The following GALNT18 variants were observed in gnomAD, a reference collection of about 807,000 sequenced individuals.
GALNT18 encodes GalNAc-transferase 18.
In GALNT18, 44 loss-of-function variants were observed where a neutral mutation model predicts 69.5. That is an observed-to-expected ratio of 0.63 (90% CI 0.50 to 0.81). The LOEUF is 0.81. Ranked by LOEUF, GALNT18 falls within the 40% of genes least tolerant of loss-of-function variation. The pLI is 0.00. For synonymous variants in GALNT18, 364 were observed against 318.2 expected, an observed-to-expected ratio of 1.14 and a Z score of -1.53; for missense variants, 715 against 810.0, an observed-to-expected ratio of 0.88 and a Z score of 1.42.
At position 11,616,264 on chromosome 11, in the gene GALNT18, G is replaced by A. The variant is rs984959562; in HGVS notation, c.235+5095C>T. 7.9e-5 allele frequency among the ~76,000 whole-genome samples: 12 copies of A among 152,196 alleles called. No homozygotes were observed. Among genetic ancestry groups the A allele is most frequent in the African/African-American group, 2.9e-4 (12 of 41,444 alleles). ...AAGGAGTACAAATCAAAAGAATAGAGCATTTGACAGGGATTACATTTACTC... is the reference window on the plus strand; with the variant it reads ...AAGGAGTACAAATCAAAAGAATAGAACATTTGACAGGGATTACATTTACTC... On this transcript the variant is annotated intron_variant, in intron 1 of 10. Transcript: ENST00000227756. The surrounding 1 kb of genome is among the most constrained non-coding windows in gnomAD (Gnocchi z 4.4).
intron 1 of GALNT18, among the ~76,000 whole-genome samples, chr11:11,495,152 T>C (rs1309077853): frequency 1.3e-5 from 2 of 152,248 alleles, no homozygotes; most frequent in Admixed American, 6.5e-5. Flanking sequence ...TTTGAAGTTC[T>C]GAGCTCAGGG....
chr11:11,363,549 G>A (rs912783382), intron 6 of GALNT18, among the ~76,000 whole-genome samples: 6 of 152,142 alleles, frequency 3.9e-5, no homozygotes, highest in African/African-American at 1.4e-4. Flanking sequence ...TTGTCATTAA[G>A]AACCAGAAAT....
intron 10 of GALNT18, among the ~76,000 whole-genome samples, chr11:11,273,548 G>A (rs1045716064): frequency 6.6e-6 from 1 of 152,162 alleles, no homozygotes; most frequent in Admixed American, 6.5e-5. Context: ...AATAATAAAT[G>A]CTGGTGAGGA....
rs1252644929 is a variant in GALNT18, at chr11:11,404,098, C to T, written c.596-24834G>A. ...TGATGAGCGAATGCCCCGCCACTTG[C>T]TGGCAGCAGGAGGAGAGCATTCCCA... On this transcript the variant is annotated intron_variant, in intron 3 of 10. Coordinates refer to ENST00000227756, the MANE Select transcript of GALNT18 (RefSeq NM_198516.3). The surrounding 1 kb of genome is among the most constrained non-coding windows in gnomAD (Gnocchi z 4.5). 6.6e-6 allele frequency among the ~76,000 whole-genome samples: 1 copy of T among 152,218 alleles called. No individual in the cohort carries two copies. The highest frequency in any genetic ancestry group is 1.5e-5 in the Non-Finnish European group (1 of 68,038).
intron 9 of GALNT18, among the ~76,000 whole-genome samples, chr11:11,317,737 T>A (rs1414238665): frequency 6.6e-6 from 1 of 152,238 alleles, no homozygotes; most frequent in East Asian, 1.9e-4. Context: ...CTCTTTAGGT[T>A]CCACTTGTCA....
intron 5 of GALNT18, among the ~76,000 whole-genome samples, chr11:11,375,247 G>A (rs1321361396): frequency 1.3e-5 from 2 of 152,174 alleles, no homozygotes; most frequent in African/African-American, 4.8e-5. Flanking sequence ...CTTCATCTGG[G>A]AATAAAACCA....
At chr11:11,481,161 G>C in intron 1 of GALNT18, among the ~76,000 whole-genome samples, 1 of 152,174 alleles carries the variant, frequency 6.6e-6, no homozygotes, top group South Asian at 2.1e-4. Flanking sequence ...TCAGGACTGA[G>C]AGAGCAGCTG....
intron 1 of GALNT18, among the ~76,000 whole-genome samples, chr11:11,483,973 C>T (rs1189837964): frequency 1.3e-5 from 2 of 152,070 alleles, no homozygotes; most frequent in Admixed American, 6.5e-5. Flanking sequence ...AAAGTTCCAT[C>T]GTGGGACATG....
At chr11:11,491,084 C>G (rs1416065485) in intron 1 of GALNT18, among the ~76,000 whole-genome samples, 3 of 152,112 alleles carry the variant, frequency 2.0e-5, no homozygotes, top group Non-Finnish European at 4.4e-5. Flanking sequence ...GTGGTCATCT[C>G]TAGTCCAAAT....
At chr11:11,525,699 A>G (rs1037395010) in intron 1 of GALNT18, among the ~76,000 whole-genome samples, 9 of 139,354 alleles carry the variant, frequency 6.5e-5, no homozygotes, top group African/African-American at 2.2e-4. Flanking sequence ...CAATGACACT[A>G]TCTCAGCTCA....
chr11:11,407,996 C>T (rs951409672), intron 3 of GALNT18, among the ~76,000 whole-genome samples: 4 of 152,164 alleles, frequency 2.6e-5, no homozygotes, highest in African/African-American at 7.2e-5. Flanking sequence ...TAGCCCTCTC[C>T]CTGAGGAGTT....
At chr11:11,525,903 G>T (rs1426373243) in intron 1 of GALNT18, among the ~76,000 whole-genome samples, 1 of 152,024 alleles carries the variant, frequency 6.6e-6, no homozygotes, top group Non-Finnish European at 1.5e-5. Flanking sequence ...TAAAGTGCTG[G>T]GATTACACTC....
chr11:11,297,479 T>C (rs1247649742), intron 9 of GALNT18, among the ~76,000 whole-genome samples: 1 of 152,180 alleles, frequency 6.6e-6, no homozygotes, highest in African/African-American at 2.4e-5. Context: ...CAGAGCCATA[T>C]GTGCGACCAC....
intron 3 of GALNT18, among the ~76,000 whole-genome samples, chr11:11,426,759 ACTGACCTCC>A (rs1855142591): frequency 6.6e-6 from 1 of 152,060 alleles, no homozygotes; most frequent in African/African-American, 2.4e-5. Flanking sequence ...GGAGTGATTC[ACTGACCTCC>A]CTAGTGGGAA....
chr11:11,576,939 G>C (rs1165251898), intron 1 of GALNT18, among the ~76,000 whole-genome samples: 1 of 152,148 alleles, frequency 6.6e-6, no homozygotes, highest in African/African-American at 2.4e-5. Flanking sequence ...CTGAAGGCAG[G>C]CCTTCACGAC....
intron 10 of GALNT18, among the ~76,000 whole-genome samples, chr11:11,291,659 C>T (rs1461241841): frequency 1.3e-5 from 2 of 152,058 alleles, no homozygotes; most frequent in East Asian, 1.9e-4. Context: ...CTGCCACCTG[C>T]ATCCTCCACC....
intron 3 of GALNT18, among the ~76,000 whole-genome samples, chr11:11,394,599 G>A (rs1854278932): frequency 2.0e-5 from 3 of 152,218 alleles, no homozygotes; most frequent in Admixed American, 2.0e-4. Context: ...CTAAGGAGGT[G>A]AGGTTTTTGT....
intron 1 of GALNT18, among the ~76,000 whole-genome samples, chr11:11,478,302 G>C (rs1021657258): frequency 1.3e-5 from 2 of 152,196 alleles, no homozygotes; most frequent in Non-Finnish European, 1.5e-5. Context: ...AATCAAATGT[G>C]AGCGTAGAAT....
chr11:11,399,467 G>GTT (rs11455241), intron 3 of GALNT18, among the ~76,000 whole-genome samples: 17 of 152,064 alleles, frequency 1.1e-4, no homozygotes, highest in Non-Finnish European at 1.9e-4. Context: ...GCCCAGCATA[G>GTT]TTTTTTTTAT....
Sources: allele counts gnomAD v4.1 joint callset (sites outside exome capture counted in the v4.1 genomes callset), GRCh38; gene constraint gnomAD v4.1.1; non-coding constraint Gnocchi (gnomAD v3.1); transcripts MANE v1.5; gene names NCBI Gene and HGNC (gene_info 2026-07-23, HGNC 2026-07-21).